Variants in DLGAP2 observed in about 807,000 individuals in gnomAD.
DLGAP2 encodes disks large-associated protein 2.
A neutral mutation model predicts 100.3 loss-of-function variants in DLGAP2; 26 were observed. The observed-to-expected ratio is 0.26, with a 90% CI of 0.19 to 0.36. DLGAP2 has a LOEUF of 0.36. Ranked by LOEUF, DLGAP2 falls within the 10% of genes least tolerant of loss-of-function variation. The pLI is 1.00. For missense variants in DLGAP2, 1,858 were observed against 1,453.2 expected (o/e 1.28, Z -4.53); for synonymous variants, 886 against 630.1 (o/e 1.41, Z -6.08).
At chr8:1,670,372 C>G (rs1798660361) in intron 10 of DLGAP2, among the ~76,000 whole-genome samples, 1 of 152,238 alleles carries the variant, frequency 6.6e-6, no homozygotes, top group South Asian at 2.1e-4. Context: ...CCAGCTCCCA[C>G]CCCTGGCATG....
Position 973,845 on chromosome 8 carries a change from G to A in DLGAP2, c.73+65879G>A, listed in dbSNP as rs537057692. Among the ~76,000 whole-genome samples, 164 of 80,442 alleles carry A rather than the reference G, an allele frequency of 2.0e-3. 2 individuals are homozygous for A. The highest frequency in any genetic ancestry group is 0.013 in the South Asian group (27 of 2,124). The allele number at this position is 80,442 out of a possible 152,430, so 52.8% of individuals were successfully genotyped here. On this transcript the variant is annotated intron_variant, in intron 2 of 14. Transcript: ENST00000637795. ...CCGCGGCGGTCCGGGAGGTCGGGGC[G>A]GGCGGTGGCGGCTGCGACCACGGGC...
intron 4 of DLGAP2, among the ~76,000 whole-genome samples, chr8:1,503,337 C>T (rs1799790200): frequency 6.6e-6 from 1 of 151,490 alleles, no homozygotes; most frequent in Non-Finnish European, 1.5e-5. Flanking sequence ...GTCTCTGAAA[C>T]TGACTCCTCC....
At chr8:1,419,528 G>A (rs193225004) in intron 3 of DLGAP2, among the ~76,000 whole-genome samples, 13 of 151,850 alleles carry the variant, frequency 8.6e-5, no homozygotes, top group East Asian at 7.8e-4. Flanking sequence ...GATAGTAATT[G>A]TACATATCTG....
chr8:892,298 G>A (rs1045663670), intron 1 of DLGAP2, among the ~76,000 whole-genome samples: 1 of 152,210 alleles, frequency 6.6e-6, no homozygotes, highest in Non-Finnish European at 1.5e-5. Context: ...GCAGCAGCTA[G>A]CGTGTCCGTC....
intron 11 of DLGAP2, 84 bp from the exon 12 acceptor site, chr8:1,678,130 C>T: frequency 6.7e-7 from 1 of 1,497,942 alleles, no homozygotes; most frequent in African/African-American, 1.4e-5. Flanking sequence ...CTCAGGTGCG[C>T]TCCTGACAGG....
chr8:1,082,865 G>A (rs1378531480), intron 2 of DLGAP2, among the ~76,000 whole-genome samples: 1 of 152,088 alleles, frequency 6.6e-6, no homozygotes, highest in Non-Finnish European at 1.5e-5. Flanking sequence ...AATGAGGATG[G>A]GAAAATTAAG....
At chr8:1,295,478 C>T (rs1012008506) in intron 3 of DLGAP2, among the ~76,000 whole-genome samples, 7 of 152,118 alleles carry the variant, frequency 4.6e-5, no homozygotes, top group African/African-American at 7.2e-5. Context: ...GCCACGTCAG[C>T]GGGAAGCACA....
chr8:1,319,988 A>AAT (rs1189943942), intron 3 of DLGAP2, among the ~76,000 whole-genome samples: 1 of 152,036 alleles, frequency 6.6e-6, no homozygotes, highest in East Asian at 1.9e-4. Context: ...GGTGGGGGAG[A>AAT]ATAGGGCAGG....
chr8:1,414,814 G>A (rs1796833198), intron 3 of DLGAP2, among the ~76,000 whole-genome samples: 1 of 152,172 alleles, frequency 6.6e-6, no homozygotes, highest in Admixed American at 6.5e-5. Context: ...TTTGAGACCA[G>A]CCTGGCCAAC....
At chr8:965,731 C>G (rs1799850676) in intron 2 of DLGAP2, among the ~76,000 whole-genome samples, 1 of 141,018 alleles carries the variant, frequency 7.1e-6, no homozygotes, top group South Asian at 2.3e-4. Context: ...GCACACGGCA[C>G]TGTTCACCTC....
chr8:1,432,340 T>C (rs1277040365), intron 3 of DLGAP2, among the ~76,000 whole-genome samples: 5 of 152,208 alleles, frequency 3.3e-5, no homozygotes, highest in Non-Finnish European at 7.3e-5. Context: ...AGAAATTCTA[T>C]GCACCTTAAA....
chr8:1,232,457 G>A (rs1354923077), intron 2 of DLGAP2, among the ~76,000 whole-genome samples: 1 of 152,204 alleles, frequency 6.6e-6, no homozygotes, highest in Admixed American at 6.5e-5. Context: ...TCAGGTGCAG[G>A]CTGTGATGAG....
intron 2 of DLGAP2, among the ~76,000 whole-genome samples, chr8:1,168,712 A>C (rs1275811930): frequency 1.4e-5 from 2 of 144,166 alleles, no homozygotes; most frequent in Admixed American, 6.9e-5. Context: ...TCCTTTGCCC[A>C]CTTTTTGATG....
At chr8:1,508,650 A>C (rs78736564) in intron 4 of DLGAP2, among the ~76,000 whole-genome samples, 1 of 148,982 alleles carries the variant, frequency 6.7e-6, no homozygotes. Context: ...GCTCCCAGAC[A>C]TACGTAGCAG....
chr8:866,763 G>C (rs979557806), intron 1 of DLGAP2, among the ~76,000 whole-genome samples: 1 of 152,186 alleles, frequency 6.6e-6, no homozygotes, highest in African/African-American at 2.4e-5. Flanking sequence ...TTCCTTTCTA[G>C]AATCGACCGT....
intron 10 of DLGAP2, among the ~76,000 whole-genome samples, chr8:1,674,339 C>T (rs1798760402): frequency 6.6e-6 from 1 of 152,204 alleles, no homozygotes; most frequent in Admixed American, 6.5e-5. Context: ...GCCACCATGC[C>T]CAGCTCCATT....
chr8:811,739 T>G (rs1382824044), intron 1 of DLGAP2, among the ~76,000 whole-genome samples: 1 of 151,200 alleles, frequency 6.6e-6, no homozygotes, highest in Non-Finnish European at 1.5e-5. Context: ...GAGCAGGAAC[T>G]ATCTGGGGGC....
At chr8:1,303,671 C>A (rs949523194) in intron 3 of DLGAP2, among the ~76,000 whole-genome samples, 1 of 152,122 alleles carries the variant, frequency 6.6e-6, no homozygotes, top group Non-Finnish European at 1.5e-5. Flanking sequence ...CTCAGGAGCC[C>A]GCAGGAAGCC....
intron 2 of DLGAP2, among the ~76,000 whole-genome samples, chr8:1,162,209 T>C (rs1796906837): frequency 1.3e-5 from 2 of 152,216 alleles, no homozygotes; most frequent in Admixed American, 1.3e-4. Context: ...CGGCGATTCA[T>C]CCATTTTGAA....
Sources: gnomAD v4.1 joint callset for allele counts (sites outside exome capture counted in the v4.1 genomes callset) on GRCh38, gnomAD v4.1.1 for gene constraint, MANE v1.5 for transcripts, NCBI Gene and HGNC (gene_info 2026-07-23, HGNC 2026-07-21) for gene names.